Variants in CLVS1 observed in about 807,000 individuals in gnomAD.
CLVS1 encodes clavesin 1.
A neutral mutation model predicts 33.1 loss-of-function variants in CLVS1; 10 were observed. The ratio of observed to expected loss-of-function variants is 0.30; its 90% confidence interval spans 0.19 to 0.51. The LOEUF is 0.51. Among genes scored for constraint, CLVS1 ranks in the 20% least tolerant of loss-of-function variants. The pLI, the probability that CLVS1 is intolerant of heterozygous loss-of-function variation, is 0.97. For missense variants in CLVS1, 343 were observed against 433.4 expected, an observed-to-expected ratio of 0.79 and a Z score of 1.85; for synonymous variants, 163 against 166.1, an observed-to-expected ratio of 0.98 and a Z score of 0.14.
intron 1 of CLVS1, among the ~76,000 whole-genome samples, chr8:61,060,265 T>C (rs1804560614): frequency 6.6e-6 from 1 of 152,194 alleles, no homozygotes; most frequent in Non-Finnish European, 1.5e-5. Flanking sequence ...GAATTCATTT[T>C]TCTATAGAAT....
At chr8:61,171,869 A>G (rs1411459905) in intron 2 of CLVS1, among the ~76,000 whole-genome samples, 8 of 152,214 alleles carry the variant, frequency 5.3e-5, no homozygotes, top group Non-Finnish European at 1.5e-5. Flanking sequence ...AGCTAAAGTC[A>G]GGTTACTGTG....
chr8:61,253,060 G>A (rs1585724011), intron 2 of CLVS1, among the ~76,000 whole-genome samples: 4 of 152,250 alleles, frequency 2.6e-5, no homozygotes, highest in African/African-American at 9.6e-5. Context: ...GGCTGGTACT[G>A]GTTTTTCCTT....
At chr8:61,134,106 C>A (rs1806148446) in intron 2 of CLVS1, among the ~76,000 whole-genome samples, 1 of 152,034 alleles carries the variant, frequency 6.6e-6, no homozygotes, top group Non-Finnish European at 1.5e-5. Context: ...ATAGTGGAGC[C>A]CCCTGTCATT....
At chr8:61,406,383 C>T (rs1243561074) in intron 3 of CLVS1, among the ~76,000 whole-genome samples, 2 of 152,144 alleles carry the variant, frequency 1.3e-5, no homozygotes, top group African/African-American at 4.8e-5. Flanking sequence ...ACTTTACCTC[C>T]TCTGTACTTC....
In CLVS1 at chr8:61,247,127, T is replaced by C. The variant is rs560061893; in HGVS notation, c.-151-52550T>C. ...TCTAGCTCCATCAAAACACATGATC[T>C]AATTATTTTTTATGGATACATAATA... On this transcript the variant is annotated intron_variant, in intron 2 of 2. Coordinates refer to the CLVS1 transcript ENST00000522621. Among the ~76,000 whole-genome samples the C allele has an allele frequency of 2.0e-4, 30 of 152,330 alleles. No individual in the cohort carries two copies. The East Asian group carries it at 5.6e-3, about 28-fold the overall frequency.
At chr8:61,289,391 A>G (rs990630230) in intron 1 of CLVS1, among the ~76,000 whole-genome samples, 1 of 152,200 alleles carries the variant, frequency 6.6e-6, no homozygotes, top group Non-Finnish European at 1.5e-5. Flanking sequence ...CATAGTCCCT[A>G]TTTGATTTAG....
chr8:61,214,951 A>G (rs1808053537), intron 2 of CLVS1, among the ~76,000 whole-genome samples: 1 of 152,182 alleles, frequency 6.6e-6, no homozygotes, highest in Non-Finnish European at 1.5e-5. Flanking sequence ...TGTGCTGGCA[A>G]AATTGAGCTC....
chr8:61,072,146 G>A (rs938617304), intron 1 of CLVS1, among the ~76,000 whole-genome samples: 7 of 152,152 alleles, frequency 4.6e-5, no homozygotes, highest in Admixed American at 6.6e-5. Context: ...TGCACGTCTC[G>A]GTTCATCTCC....
chr8:61,054,353 C>T (rs1334551877), upstream of CLVS1, among the ~76,000 whole-genome samples: 1 of 152,156 alleles, frequency 6.6e-6, no homozygotes, highest in Admixed American at 6.5e-5. Flanking sequence ...AGGTGGCATC[C>T]TGTGGGCTGC....
At chr8:61,233,924 C>T (rs916326967) in intron 2 of CLVS1, among the ~76,000 whole-genome samples, 1 of 152,256 alleles carries the variant, frequency 6.6e-6, no homozygotes, top group Non-Finnish European at 1.5e-5. Flanking sequence ...CAGTGTTTGG[C>T]TTGGTTTTCT....
intron 2 of CLVS1, among the ~76,000 whole-genome samples, chr8:61,183,251 C>T (rs1468153825): frequency 6.6e-6 from 1 of 152,156 alleles, no homozygotes; most frequent in East Asian, 1.9e-4. Context: ...TTCAGCAAAC[C>T]ACCATGGCAC....
At chr8:61,252,643 G>A (rs182010671) in intron 2 of CLVS1, among the ~76,000 whole-genome samples, 180 of 152,310 alleles carry the variant, frequency 1.2e-3, no homozygotes, top group Middle Eastern at 3.4e-3. Flanking sequence ...AGCTCTTCCT[G>A]CTGAATTGGT....
chr8:61,255,434 G>A (rs1380151362), intron 2 of CLVS1, among the ~76,000 whole-genome samples: 6 of 152,176 alleles, frequency 3.9e-5, no homozygotes, highest in Non-Finnish European at 7.3e-5. Context: ...GTTATAGCAG[G>A]AAACACTACA....
chr8:61,416,301 GCTAGATAC>G (rs770459076), intron 3 of CLVS1, among the ~76,000 whole-genome samples: 14,233 of 136,564 alleles, frequency 0.1, 689 homozygotes, highest in Non-Finnish European at 0.11. Context: ...TAGCTAGCTA[GCTAGATAC>G]ATACATACAT....
intron 2 of CLVS1, among the ~76,000 whole-genome samples, chr8:61,361,294 T>C (rs930699799): frequency 2.0e-5 from 3 of 152,204 alleles, no homozygotes; most frequent in Admixed American, 6.5e-5. Context: ...CTTTCAATGA[T>C]GACTAATGTG....
At chr8:61,282,326 G>A (rs1585746236) in intron 2 of CLVS1, among the ~76,000 whole-genome samples, 1 of 152,164 alleles carries the variant, frequency 6.6e-6, no homozygotes, top group Non-Finnish European at 1.5e-5. Context: ...GTAGAGGGAA[G>A]AAGAGAAGAA....
chr8:61,287,791 C>A (rs77149427), upstream of CLVS1, among the ~76,000 whole-genome samples: 4,055 of 152,176 alleles, frequency 0.027, 196 homozygotes, highest in African/African-American at 0.093. Flanking sequence ...TTGAAATATT[C>A]TATTTTTAAT....
intron 2 of CLVS1, among the ~76,000 whole-genome samples, chr8:61,214,391 A>G (rs1808041316): frequency 6.6e-6 from 1 of 152,122 alleles, no homozygotes; most frequent in African/African-American, 2.4e-5. Context: ...CCAGACGCCC[A>G]GCTTTAAAAT....
intron 3 of CLVS1, 93 bp from the exon 4 acceptor site, chr8:61,454,048 A>G: frequency 1.2e-6 from 1 of 853,344 alleles, no homozygotes; most frequent in East Asian, 2.4e-5. Context: ...CCAGGCAGGA[A>G]AAACAGGTTG....
Sources: gnomAD v4.1 joint callset for allele counts (sites outside exome capture counted in the v4.1 genomes callset) on GRCh38, gnomAD v4.1.1 for gene constraint, MANE v1.5 for transcripts, NCBI Gene and HGNC (gene_info 2026-07-23, HGNC 2026-07-21) for gene names.